CWC22: variants seen among roughly 807,000 people sequenced by gnomAD.
CWC22 encodes pre-mRNA-splicing factor CWC22 homolog.
In CWC22, 53 loss-of-function variants were observed where a neutral mutation model predicts 117.2. The ratio of observed to expected loss-of-function variants is 0.45; its 90% CI spans 0.36 to 0.57. The LOEUF is 0.57. CWC22 is among the 20% of genes least tolerant of loss of function. The pLI is 0.00. For synonymous variants in CWC22, 360 were observed against 355.6 expected, an observed-to-expected ratio of 1.01 and a Z score of -0.14; for missense variants, 980 against 1,068.8, an observed-to-expected ratio of 0.92 and a Z score of 1.16.
chr2:179,980,891 A>C (rs967984050), intron 5 of CWC22, among the ~76,000 whole-genome samples: 1 of 152,168 alleles, frequency 6.6e-6, no homozygotes, highest in Non-Finnish European at 1.5e-5. Context: ...TCAATCTGGG[A>C]CCATACATTC....
intron 17 of CWC22, 67 bp from the exon 18 acceptor site, chr2:179,950,993 CATTTTTCAG>C: frequency 6.0e-6 from 6 of 994,554 alleles, no homozygotes; most frequent in South Asian, 4.6e-5. Flanking sequence ...AATCCTTAGT[CATTTTTCAG>C]ATTTTTCATA....
At position 179,954,240 on chromosome 2, in the gene CWC22, C is replaced by T. The variant is rs1686526569; in HGVS notation, c.1654G>A (p.Ala552Thr). The T allele has an allele frequency of 6.2e-7, 1 of 1,611,780 alleles. No homozygotes were observed. Among genetic ancestry groups the T allele is most frequent in the East Asian group, 2.2e-5 (1 of 44,776 alleles). Reference protein sequence around the residue: ...NKLRNVAKMFAHLLYTDSLPW... With the variant: ...NKLRNVAKMFTHLLYTDSLPW... The stretch of plus-strand genomic sequence containing the variant: ...AGTGAATCAGTGTATAAAAGGTGAG[C>T]AAACATCTTAGCAACATTTCGCAAC... Residue 552 changes from alanine (A) to threonine (T), a missense_variant, in exon 16 of 20, where the codon GCT becomes ACT. Ala to Thr is a moderately conservative substitution (Grantham distance 58). This residue lies in a region of CWC22 where 115 missense variants were observed against 169.8 expected (regional missense o/e 0.68). Transcript: ENST00000410053.
intron 4 of CWC22, 56 bp downstream of exon 4, chr2:179,986,639 T>C: frequency 1.0e-6 from 1 of 999,330 alleles, no homozygotes. Flanking sequence ...AAATGTAGCA[T>C]AAAGAGAGTT....
chr2:179,996,831 T>A (rs1326642336), intron 1 of CWC22, among the ~76,000 whole-genome samples: 3 of 148,786 alleles, frequency 2.0e-5, no homozygotes, highest in Non-Finnish European at 1.5e-5. Context: ...TGTTAAAAGA[T>A]AAAAAAAAAA....
chr2:179,995,631 T>TA (rs1301238218), intron 1 of CWC22, among the ~76,000 whole-genome samples: 1 of 152,200 alleles, frequency 6.6e-6, no homozygotes, highest in Admixed American at 6.5e-5. Context: ...CTACTGAACC[T>TA]AATCCTTTCA....
chr2:180,000,812 A>G (rs1575661024), intron 1 of CWC22, among the ~76,000 whole-genome samples: 1 of 152,042 alleles, frequency 6.6e-6, no homozygotes, highest in East Asian at 1.9e-4. Context: ...AGTAAGACAC[A>G]GAGGAGTGAA....
chr2:179,955,877 C>A (rs1849853), intron 14 of CWC22, among the ~76,000 whole-genome samples: 99,583 of 151,642 alleles, frequency 0.66, 33,143 homozygotes, highest in Middle Eastern at 0.71. Context: ...AAAACTCAAG[C>A]AACATAAGGT....
In CWC22 at chr2:179,945,204, T is replaced by G; in HGVS notation, c.2652A>C (p.Arg884Ser). The stretch of plus-strand genomic sequence containing the variant: ...TTGATTCTCTGGATTGTTCAGAGTA[T>G]CTGCTAGATTTTTCCCATCGTCTCT... ...GAERRWEKSS[R>S]YSEQSRESKK... is the part of the protein sequence containing the mutation. The change falls in exon 20 of 20, where the codon AGA becomes AGC. Residue 884 changes from arginine to serine, a missense_variant. By Grantham distance (110) the Arg-to-Ser change is moderately radical. This residue lies in a region of CWC22 where 306 missense variants were observed against 296.8 expected (regional missense o/e 1.03). Coordinates refer to ENST00000410053, the MANE Select transcript of CWC22 (RefSeq NM_020943.3). 1 of 1,613,822 alleles carries G rather than the reference T, an allele frequency of 6.2e-7. No individual in the cohort carries two copies. Among genetic ancestry groups the G allele is most frequent in the South Asian group, 1.1e-5 (1 of 91,066 alleles).
In CWC22 at chr2:179,986,689, A is replaced by G. The variant is rs768582228; in HGVS notation, c.206+6T>C. On this transcript the variant is annotated splice_donor_region_variant and intron_variant, in intron 4 of 19. Coordinates refer to ENST00000410053, the MANE Select transcript of CWC22 (RefSeq NM_020943.3). ...TTTCTACAAGTTAGAAATTCCCAAC[A>G]CTAACCGTGACTCCATGCTACTATC... 5 of 1,505,726 alleles carry G rather than the reference A, an allele frequency of 3.3e-6. No homozygotes were observed. The South Asian group carries it at 3.5e-5, about 11-fold the overall frequency. The allele number at this position is 1,505,726 out of a possible 1,614,324, so 93.3% of individuals were successfully genotyped here. A position where few individuals can be genotyped will look rare whatever the true frequency, so the allele number is the denominator to read the frequency against.
chr2:179,993,477 C>T, intron 1 of CWC22, 23 bp from the exon 2 acceptor site: 1 of 634,242 alleles, frequency 1.6e-6, no homozygotes, highest in South Asian at 1.9e-5. Flanking sequence ...CCAAAGAAAG[C>T]TTTATTAACA....
At chr2:179,965,076 C>T (rs1049134995) in intron 12 of CWC22, among the ~76,000 whole-genome samples, 1 of 150,602 alleles carries the variant, frequency 6.6e-6, no homozygotes, top group Non-Finnish European at 1.5e-5. Context: ...AAAATTTTCT[C>T]TTATTTAATG....
At chr2:179,983,067 C>T (rs967260814) in intron 4 of CWC22, among the ~76,000 whole-genome samples, 4 of 152,096 alleles carry the variant, frequency 2.6e-5, no homozygotes, top group African/African-American at 9.7e-5. Context: ...GTCATCTTCC[C>T]AGGTAGCTGT....
intron 5 of CWC22, among the ~76,000 whole-genome samples, 198 bp from the exon 6 acceptor site, chr2:179,978,516 T>C (rs1186096993): frequency 1.3e-5 from 2 of 152,116 alleles, no homozygotes; most frequent in African/African-American, 2.4e-5. Context: ...ATACATATGC[T>C]TAAGTATACA....
intron 8 of CWC22, among the ~76,000 whole-genome samples, chr2:179,972,860 C>A (rs188243148): frequency 0.017 from 2,613 of 151,510 alleles, 82 homozygotes; most frequent in African/African-American, 0.06. Flanking sequence ...ACAAAAAAAA[C>A]TAGCCGGGCG....
intron 3 of CWC22, 81 bp from the exon 4 acceptor site, chr2:179,986,886 G>A (rs1437388386): frequency 5.7e-6 from 4 of 703,816 alleles, no homozygotes; most frequent in African/African-American, 1.8e-5. Context: ...TATTGGTAAT[G>A]GTAAAGCAAC....
intron 11 of CWC22, among the ~76,000 whole-genome samples, chr2:179,968,771 T>C (rs1179445534): frequency 1.3e-5 from 2 of 151,984 alleles, no homozygotes; most frequent in Non-Finnish European, 2.9e-5. Context: ...TTTCACCATG[T>C]TGGTCAGACT....
chr2:179,994,579 G>T (rs1687653475), intron 1 of CWC22, among the ~76,000 whole-genome samples: 1 of 152,244 alleles, frequency 6.6e-6, no homozygotes, highest in Middle Eastern at 3.4e-3. Flanking sequence ...GGATGTATAC[G>T]AATTACTAAG....
intron 2 of CWC22, among the ~76,000 whole-genome samples, chr2:179,990,412 C>A (rs1687530338): frequency 1.3e-5 from 2 of 152,026 alleles, no homozygotes; most frequent in South Asian, 2.1e-4. Flanking sequence ...TGTAGACATT[C>A]TGAAAGATAC....
intron 1 of CWC22, among the ~76,000 whole-genome samples, chr2:180,000,753 C>T (rs1258391532): frequency 6.6e-6 from 1 of 151,682 alleles, no homozygotes; most frequent in Admixed American, 6.6e-5. Context: ...GACTGGTCTG[C>T]AACTCTGTGT....
Sources: allele counts gnomAD v4.1 joint callset (sites outside exome capture counted in the v4.1 genomes callset), GRCh38; gene constraint gnomAD v4.1.1; regional missense constraint gnomAD v4.1.1; transcripts MANE v1.5; gene names NCBI Gene and HGNC (gene_info 2026-07-23, HGNC 2026-07-21).